Variants in THADA observed in about 807,000 individuals in gnomAD.
THADA encodes THADA armadillo repeat containing.
Under a neutral mutation model 219.8 loss-of-function variants are expected in THADA, and 213 were observed. The ratio of observed to expected loss-of-function variants is 0.97; its 90% CI spans 0.87 to 1.09. The LOEUF is 1.09. THADA is among the 50% of genes least tolerant of loss of function. The probability of loss-of-function intolerance (pLI) is 0.00; values close to 1 mark genes in which losing one functional copy is unlikely to be tolerated. For missense variants in THADA, 2,956 were observed against 2,311.3 expected (o/e 1.28, Z -5.72); for synonymous variants, 1,018 against 828.9 (o/e 1.23, Z -3.92).
Position 43,560,405 on chromosome 2 carries a change from A to T in THADA, c.2312-20T>A. 1 of 1,475,794 alleles carries T rather than the reference A, an allele frequency of 6.8e-7. No individual in the cohort carries two copies. Among genetic ancestry groups the T allele is most frequent in the South Asian group, 1.4e-5 (1 of 70,100 alleles). 91.4% of individuals were successfully genotyped at this position (1,475,794 alleles called of 1,614,324 possible). ...TTCTGCCTAAAAATATTTTAAAAACAAAAAGATTTAAAAGTGAACAAAAAG... is the reference window on the plus strand; with the variant it reads ...TTCTGCCTAAAAATATTTTAAAAACTAAAAGATTTAAAAGTGAACAAAAAG... On this transcript the variant is annotated intron_variant, in intron 15 of 37. Coordinates refer to ENST00000405975, the MANE Select transcript of THADA (RefSeq NM_022065.5).
At chr2:43,409,043 C>CT (rs1183076543) in intron 28 of THADA, among the ~76,000 whole-genome samples, 2 of 152,184 alleles carry the variant, frequency 1.3e-5, no homozygotes, top group East Asian at 3.8e-4. Flanking sequence ...ACCACTCCAA[C>CT]TCCTTTCATC....
chr2:43,541,066 T>A, intron 21 of THADA, 93 bp downstream of exon 21: 3 of 1,292,238 alleles, frequency 2.3e-6, no homozygotes, highest in East Asian at 2.8e-5. Flanking sequence ...TCAAGAAAAA[T>A]TTTAAACCTT....
chr2:43,371,041 T>C (rs929201402), intron 29 of THADA, among the ~76,000 whole-genome samples: 10 of 152,344 alleles, frequency 6.6e-5, no homozygotes, highest in African/African-American at 2.4e-4. Context: ...TGCTTTGAAG[T>C]GAACACTGAA....
At chr2:43,367,166 C>A (rs1670253228) in intron 29 of THADA, among the ~76,000 whole-genome samples, 2 of 152,016 alleles carry the variant, frequency 1.3e-5, no homozygotes, top group Non-Finnish European at 2.9e-5. Flanking sequence ...ATGGTAGTTG[C>A]TAGGGGCTGA....
chr2:43,526,016 T>C (rs926349806), intron 22 of THADA, among the ~76,000 whole-genome samples: 4 of 152,158 alleles, frequency 2.6e-5, no homozygotes, highest in Non-Finnish European at 4.4e-5. Flanking sequence ...ACAACCAACA[T>C]CAATCTCATG....
At chr2:43,421,000 C>T (rs1677647356) in intron 28 of THADA, among the ~76,000 whole-genome samples, 1 of 152,234 alleles carries the variant, frequency 6.6e-6, no homozygotes, top group South Asian at 2.1e-4. Flanking sequence ...ACCTTCCAAT[C>T]TCTGCTTCTA....
chr2:43,351,222 T>C (rs2104558892), intron 29 of THADA, among the ~76,000 whole-genome samples: 1 of 152,304 alleles, frequency 6.6e-6, no homozygotes, highest in East Asian at 1.9e-4. Flanking sequence ...TCAAAATCCA[T>C]CAATGACTTT....
At chr2:43,428,808 T>A (rs192591712) in intron 27 of THADA, among the ~76,000 whole-genome samples, 68 of 152,282 alleles carry the variant, frequency 4.5e-4, no homozygotes, top group African/African-American at 1.4e-3. Context: ...CTATTTTGAT[T>A]AGAACTGTTC....
chr2:43,303,093 G>C (rs1351379816), intron 31 of THADA, among the ~76,000 whole-genome samples: 1 of 152,220 alleles, frequency 6.6e-6, no homozygotes, highest in Admixed American at 6.5e-5. Context: ...CTTGAGGCTA[G>C]TCTGTTTGGA....
chr2:43,587,123 A>T, intron 4 of THADA, 121 bp from the exon 5 acceptor site: 1 of 998,484 alleles, frequency 1.0e-6, no homozygotes, highest in Non-Finnish European at 1.5e-6. Context: ...CAGCCAGAAA[A>T]CTACAACTAC....
chr2:43,307,597 T>G (rs1433033287), intron 31 of THADA, among the ~76,000 whole-genome samples: 1 of 152,234 alleles, frequency 6.6e-6, no homozygotes, highest in African/African-American at 2.4e-5. Context: ...AGGATCCTGT[T>G]AGAGGAGCTA....
chr2:43,297,780 T>G (rs1389537807), intron 31 of THADA, among the ~76,000 whole-genome samples: 53 of 44,530 alleles, frequency 1.2e-3, no homozygotes, highest in Admixed American at 1.8e-3. Context: ...GGTGGGGGGG[T>G]CGGCCCCCCG....
chr2:43,330,078 G>A (rs1474384367), intron 30 of THADA, among the ~76,000 whole-genome samples: 2 of 152,212 alleles, frequency 1.3e-5, no homozygotes, highest in Non-Finnish European at 2.9e-5. Flanking sequence ...TAGTCCAGCA[G>A]AGGCCAGACC....
intron 31 of THADA, among the ~76,000 whole-genome samples, chr2:43,317,074 C>T (rs1246420147): frequency 6.6e-6 from 1 of 152,162 alleles, no homozygotes; most frequent in Non-Finnish European, 1.5e-5. Context: ...ATGGAAACAA[C>T]GTGTCTCAAA....
intron 36 of THADA, among the ~76,000 whole-genome samples, chr2:43,252,818 G>A (rs115987720): frequency 1.3e-5 from 2 of 152,198 alleles, no homozygotes; most frequent in Non-Finnish European, 2.9e-5. Flanking sequence ...AATTCCAGCT[G>A]AGTAGCGGCA....
At chr2:43,575,797 C>T (rs1699791961) in intron 10 of THADA, among the ~76,000 whole-genome samples, 1 of 152,138 alleles carries the variant, frequency 6.6e-6, no homozygotes, top group Non-Finnish European at 1.5e-5. Context: ...CTGAGATCTG[C>T]AAGCCTGGGA....
intron 36 of THADA, among the ~76,000 whole-genome samples, chr2:43,264,288 CT>C (rs397868826): frequency 1.9e-3 from 271 of 141,030 alleles, no homozygotes; most frequent in Middle Eastern, 3.7e-3. Flanking sequence ...TTTTTCTTTT[CT>C]TTTTTTTTTT....
At position 43,574,965 on chromosome 2, in the gene THADA, G is replaced by C. The variant is rs780508349; in HGVS notation, c.1100C>G (p.Ala367Gly). The change falls in exon 11 of 38, where the codon GCC becomes GGC. Residue 367 changes from alanine to glycine, a missense_variant. Transcript: ENST00000405975. ...GGAACTTGATTCAAGGACTTGTATGGCTGAATTAGTCCAGGATGCTAAGAT... is the reference window on the plus strand; with the variant it reads ...GGAACTTGATTCAAGGACTTGTATGCCTGAATTAGTCCAGGATGCTAAGAT... ...SRILASWTNS[A>G]IQVLESSSPS... The C allele has an allele frequency of 1.9e-6, 3 of 1,613,930 alleles. No homozygotes were observed. In the Admixed American group the frequency reaches 5.0e-5, roughly 27 times the overall value.
chr2:43,310,226 G>C (rs113964896), intron 31 of THADA, among the ~76,000 whole-genome samples: 873 of 53,326 alleles, frequency 0.016, 19 homozygotes, highest in African/African-American at 0.043. Flanking sequence ...TCCCTTTCCC[G>C]CCCCCCCCCC....
Sources: allele counts gnomAD v4.1 joint callset (sites outside exome capture counted in the v4.1 genomes callset), GRCh38; gene constraint gnomAD v4.1.1; transcripts MANE v1.5; gene names NCBI Gene and HGNC (gene_info 2026-07-23, HGNC 2026-07-21).